BRIP1: variants seen among roughly 807,000 people sequenced by gnomAD.
The protein encoded by BRIP1 is Fanconi anemia group J protein.
In BRIP1, 88 loss-of-function variants were observed where a neutral mutation model predicts 119.7. That is an observed-to-expected ratio of 0.74 (90% CI 0.62 to 0.88). The LOEUF (loss-of-function observed/expected upper bound fraction) is 0.88. Among genes scored for constraint, BRIP1 ranks in the 40% least tolerant of loss-of-function variants. The pLI is 0.00. For missense variants in BRIP1, 1,259 were observed against 1,455.4 expected, an observed-to-expected ratio of 0.87 and a Z score of 2.20; for synonymous variants, 443 against 496.5, an observed-to-expected ratio of 0.89 and a Z score of 1.43.
chr17:61,708,911 G>T lies in BRIP1; in HGVS notation c.2492+7040C>A, dbSNP rs868259072. Among the ~76,000 whole-genome samples, 3 of 152,132 alleles carry T rather than the reference G, an allele frequency of 2.0e-5. No homozygotes were observed. Among genetic ancestry groups the T allele is most frequent in the African/African-American group, 7.2e-5 (3 of 41,426 alleles). On this transcript the variant is annotated intron_variant, in intron 17 of 19. Transcript: ENST00000259008. The surrounding 1 kb of genome is among the most constrained non-coding windows in gnomAD (Gnocchi z 4.4). ...GCCTACTCAGAGCTGAAAAGAAAAG[G>T]GGGGTGGAGTTCTCACATTCAGTAT...
At position 61,861,143 on chromosome 17, in the gene BRIP1, G is replaced by A. The variant is rs1000377551; in HGVS notation, c.93+304C>T. Among the ~76,000 whole-genome samples, 1 of 152,126 alleles carries A rather than the reference G, an allele frequency of 6.6e-6. No individual in the cohort carries two copies. Among genetic ancestry groups the A allele is most frequent in the Non-Finnish European group, 1.5e-5 (1 of 67,998 alleles). On this transcript the variant is annotated intron_variant, in intron 2 of 19. Transcript: ENST00000259008. This position sits in a 1 kb window ranked among gnomAD's most constrained non-coding sequence, Gnocchi z 4.5. ...AAACAAAACAATGGTGAGAAAAATA[G>A]TATTCTGTGTAAAAGATAGTAAATA...
rs2078535996 is a variant in BRIP1 at position 61,834,196 on chromosome 17, AAAAT to A, written c.627+12901_627+12904del. Among the ~76,000 whole-genome samples, 1 of 152,182 alleles carries A rather than the reference AAAAT, an allele frequency of 6.6e-6. No homozygotes were observed. The highest frequency in any genetic ancestry group is 1.5e-5 in the Non-Finnish European group (1 of 68,030). ...ACTATGACCGTGATATATTAGGTGA[AAAAT>A]AAAAGCTATATACTATAATCCTAAT... On this transcript the variant is annotated intron_variant, in intron 6 of 19. Coordinates refer to ENST00000259008, the MANE Select transcript of BRIP1 (RefSeq NM_032043.3). This position sits in a 1 kb window ranked among gnomAD's most constrained non-coding sequence, Gnocchi z 4.4.
At chr17:61,836,357 C>A (rs578152348) in intron 6 of BRIP1, among the ~76,000 whole-genome samples, 86 of 152,126 alleles carry the variant, frequency 5.7e-4, no homozygotes, top group Middle Eastern at 3.4e-3. Context: ...CTCAAGTGAT[C>A]CACCTACCTC....
At chr17:61,696,971 T>C (rs1454822745) in intron 17 of BRIP1, among the ~76,000 whole-genome samples, 1 of 103,442 alleles carries the variant, frequency 9.7e-6, no homozygotes, top group African/African-American at 3.9e-5. Context: ...GGGCAACAGA[T>C]AGAGACTCTG....
Position 61,846,226 on chromosome 17 carries a change from T to TAG in BRIP1, c.627+873_627+874dup, listed in dbSNP as rs922141689. On this transcript the variant is annotated intron_variant, in intron 6 of 19. Coordinates refer to ENST00000259008, the MANE Select transcript of BRIP1 (RefSeq NM_032043.3). The surrounding 1 kb of genome is among the most constrained non-coding windows in gnomAD (Gnocchi z 4.3). ...ATAAATTTAAAAAATTATATACATATAGAGAGAGAGAGAGAGAAAAAGAGA... is the reference window on the plus strand; with the variant it reads ...ATAAATTTAAAAAATTATATACATATAGAGAGAGAGAGAGAGAGAAAAAGAGA... 9.9e-5 allele frequency among the ~76,000 whole-genome samples: 14 copies of TAG among 140,942 alleles called. No individual in the cohort carries two copies. Among genetic ancestry groups the TAG allele is most frequent in the East Asian group, 4.0e-4 (2 of 5,048 alleles). The allele number at this position is 140,942 out of a possible 152,430, so 92.5% of individuals were successfully genotyped here. A position where few individuals can be genotyped will look rare whatever the true frequency, so the allele number is the denominator to read the frequency against.
chr17:61,848,277 G>A lies in BRIP1; in HGVS notation c.507+852C>T, dbSNP rs1419367545. 6.6e-6 allele frequency among the ~76,000 whole-genome samples: 1 copy of A among 152,110 alleles called. No individual in the cohort carries two copies. The highest frequency in any genetic ancestry group is 1.5e-5 in the Non-Finnish European group (1 of 68,010). On this transcript the variant is annotated intron_variant, in intron 5 of 19. Coordinates refer to ENST00000259008, the MANE Select transcript of BRIP1 (RefSeq NM_032043.3). The surrounding 1 kb of genome is among the most constrained non-coding windows in gnomAD (Gnocchi z 4.3). ...ACCACAGCCTTCAACTCCTAGGCTT[G>A]AGCAATCCTCCTATCTCAGCCTCCC...
rs2145473641 is a variant in BRIP1 at position 61,814,238 on chromosome 17, G to A, written c.628-5481C>T. On this transcript the variant is annotated intron_variant, in intron 6 of 19. Transcript: ENST00000259008. This position sits in a 1 kb window ranked among gnomAD's most constrained non-coding sequence, Gnocchi z 4.9. ...CAATAAACCAAAAACACAAATGAGT[G>A]AAAACACAGCTTCATTAACATGTTA... Among the ~76,000 whole-genome samples the A allele has an allele frequency of 6.6e-6, 1 of 151,980 alleles. No individual in the cohort carries two copies. Among genetic ancestry groups the A allele is most frequent in the South Asian group, 2.1e-4 (1 of 4,818 alleles).
chr17:61,784,038 T>C, intron 11 of BRIP1: 7 of 416,062 alleles, frequency 1.7e-5, no homozygotes, highest in South Asian at 1.6e-4. Flanking sequence ...GCTGTGATCA[T>C]GCAACTGCAC....
In BRIP1 at chr17:61,740,744, T is replaced by C. The variant is rs564852570; in HGVS notation, c.2379+2269A>G. On this transcript the variant is annotated intron_variant, in intron 16 of 19. Transcript: ENST00000259008. This position sits in a 1 kb window ranked among gnomAD's most constrained non-coding sequence, Gnocchi z 5.4. ...GCATTATGTCTCAAAAGCCAATGTATATACCTTAACTTGAAAATATTTTAT... is the reference window on the plus strand; with the variant it reads ...GCATTATGTCTCAAAAGCCAATGTACATACCTTAACTTGAAAATATTTTAT... 3.9e-5 allele frequency among the ~76,000 whole-genome samples: 6 copies of C among 152,332 alleles called. No homozygotes were observed. Among genetic ancestry groups the C allele is most frequent in the African/African-American group, 1.4e-4 (6 of 41,570 alleles).
Position 61,798,495 on chromosome 17 carries a change from T to C in BRIP1, c.1340+605A>G, listed in dbSNP as rs2077935786. Among the ~76,000 whole-genome samples the C allele has an allele frequency of 1.3e-5, 2 of 152,056 alleles. No homozygotes were observed. The highest frequency in any genetic ancestry group is 4.8e-5 in the African/African-American group (2 of 41,446). ...ACATTTTGTCTTCAAACCATGTGAC[T>C]GTGTAACATTCAAATTTTTTTAAAG... is the stretch of plus-strand genomic sequence containing the variant. On this transcript the variant is annotated intron_variant, in intron 9 of 19. Transcript: ENST00000259008. This position sits in a 1 kb window ranked among gnomAD's most constrained non-coding sequence, Gnocchi z 5.5.
At position 61,724,212 on chromosome 17, in the gene BRIP1, G is replaced by A. The variant is rs1327683736; in HGVS notation, c.2380-8149C>T. Among the ~76,000 whole-genome samples the A allele has an allele frequency of 6.6e-6, 1 of 151,958 alleles. No individual in the cohort carries two copies. The highest frequency in any genetic ancestry group is 1.5e-5 in the Non-Finnish European group (1 of 67,968). On this transcript the variant is annotated intron_variant, in intron 16 of 19. Transcript: ENST00000259008. The surrounding 1 kb of genome is among the most constrained non-coding windows in gnomAD (Gnocchi z 5.1). Reference sequence around the variant, plus strand: ...TAAGACTGAGGCGGTTTAGAATTGGGTAAAAATACCCAATAGACAGATGGC... The same window carrying A: ...TAAGACTGAGGCGGTTTAGAATTGGATAAAAATACCCAATAGACAGATGGC...
rs57246896 is a variant in BRIP1, at chr17:61,725,122, AGTGTGT to A, written c.2380-9065_2380-9060del. ...AGATTTCTGACACAGTTAACCAAAT[AGTGTGT>A]GTGTGTGTGTGTGTGTGTATATACA... On this transcript the variant is annotated intron_variant, in intron 16 of 19. Coordinates refer to ENST00000259008, the MANE Select transcript of BRIP1 (RefSeq NM_032043.3). The surrounding 1 kb of genome is among the most constrained non-coding windows in gnomAD (Gnocchi z 5.3). 5.9e-5 allele frequency among the ~76,000 whole-genome samples: 9 copies of A among 151,376 alleles called. No homozygotes were observed. The highest frequency in any genetic ancestry group is 1.9e-4 in the East Asian group (1 of 5,164).
intron 6 of BRIP1, among the ~76,000 whole-genome samples, chr17:61,837,340 GAGGAAGAAAA>G (rs2078589934): frequency 6.6e-6 from 1 of 152,100 alleles, no homozygotes. Context: ...TGGGGTATGG[GAGGAAGAAAA>G]AGGAAGAAAA....
At position 61,861,279 on chromosome 17, in the gene BRIP1, C is replaced by T. The variant is rs565511632; in HGVS notation, c.93+168G>A. Among the ~76,000 whole-genome samples, 7 of 152,304 alleles carry T rather than the reference C, an allele frequency of 4.6e-5. No homozygotes were observed. The highest frequency in any genetic ancestry group is 3.9e-4 in the Admixed American group (6 of 15,298). ...TCTTTGCCTTAACCACAGATATATACAGTTTAGCTGCAATCAGTAGTTTCC... is the reference window on the plus strand; with the variant it reads ...TCTTTGCCTTAACCACAGATATATATAGTTTAGCTGCAATCAGTAGTTTCC... On this transcript the variant is annotated intron_variant, in intron 2 of 19. Transcript: ENST00000259008. This position sits in a 1 kb window ranked among gnomAD's most constrained non-coding sequence, Gnocchi z 4.5.
rs114232487 is a variant in BRIP1 at position 61,844,480 on chromosome 17, T to C, written c.627+2621A>G. ...TGTTGCACAGCTGTAGTCCTTGCTA[T>C]TCAGGAGGCTGGGGTTGGAGGATCA... On this transcript the variant is annotated intron_variant, in intron 6 of 19. Transcript: ENST00000259008. This position sits in a 1 kb window ranked among gnomAD's most constrained non-coding sequence, Gnocchi z 4.7. Among the ~76,000 whole-genome samples, 569 of 152,250 alleles carry C rather than the reference T, an allele frequency of 3.7e-3. 2 individuals are homozygous for C. Among genetic ancestry groups the C allele is most frequent in the African/African-American group, 0.012 (517 of 41,566 alleles).
rs546066659 is a variant in BRIP1, at chr17:61,796,652, G to C, written c.1340+2448C>G. ...TGCCAGTACTGTGCTGTTTTGGTGG[G>C]AAGGTTTTAAATACAGAGTTTTAAA... On this transcript the variant is annotated intron_variant, in intron 9 of 19. Coordinates refer to ENST00000259008, the MANE Select transcript of BRIP1 (RefSeq NM_032043.3). The surrounding 1 kb of genome is among the most constrained non-coding windows in gnomAD (Gnocchi z 4.8). 6.6e-6 allele frequency among the ~76,000 whole-genome samples: 1 copy of C among 151,966 alleles called. No homozygotes were observed. The highest frequency in any genetic ancestry group is 2.1e-4 in the South Asian group (1 of 4,822).
At chr17:61,711,075 A>G (rs182078383) in intron 17 of BRIP1, among the ~76,000 whole-genome samples, 4 of 151,976 alleles carry the variant, frequency 2.6e-5, no homozygotes, top group Non-Finnish European at 1.5e-5. Flanking sequence ...CCAAACAAAC[A>G]AACAAAAACA....
Position 61,704,321 on chromosome 17 carries a change from CTTCTGTTTTTTAGAAGAGATTATGTAAAA to C in BRIP1, c.2493-10838_2493-10810del, listed in dbSNP as rs1273408601. ...TAAAATAAATTGGGAAGGATTGCATCTTCTGTTTTTTAGAAGAGATTATGTAAAATTTGTGTTATTTCTTCTTTAAATGT... is the reference window on the plus strand; with the variant it reads ...TAAAATAAATTGGGAAGGATTGCATCTTTGTGTTATTTCTTCTTTAAATGT... On this transcript the variant is annotated intron_variant, in intron 17 of 19. Coordinates refer to ENST00000259008, the MANE Select transcript of BRIP1 (RefSeq NM_032043.3). The surrounding 1 kb of genome is among the most constrained non-coding windows in gnomAD (Gnocchi z 5.7). 6.6e-6 allele frequency among the ~76,000 whole-genome samples: 1 copy of C among 152,038 alleles called. No individual in the cohort carries two copies. Among genetic ancestry groups the C allele is most frequent in the Non-Finnish European group, 1.5e-5 (1 of 67,980 alleles).
intron 13 of BRIP1, among the ~76,000 whole-genome samples, chr17:61,779,286 A>G (rs1486773413): frequency 2.0e-5 from 3 of 152,202 alleles, no homozygotes; most frequent in South Asian, 2.1e-4. Context: ...AAGCATAAAT[A>G]ATTATACAAG....
Sources: gnomAD v4.1 joint callset for allele counts (sites outside exome capture counted in the v4.1 genomes callset) on GRCh38, gnomAD v4.1.1 for gene constraint, Gnocchi (gnomAD v3.1) non-coding constraint, MANE v1.5 for transcripts, NCBI Gene and HGNC (gene_info 2026-07-23, HGNC 2026-07-21) for gene names.